The following CLN5 variants were observed in gnomAD, a reference collection of about 807,000 sequenced individuals.
CLN5 encodes bis(monoacylglycero)phosphate synthase CLN5.
A neutral mutation model predicts 36.7 loss-of-function variants in CLN5; 34 were observed. That is an observed-to-expected ratio of 0.93 (90% CI 0.71 to 1.23). The LOEUF is 1.23. Among genes scored for constraint, CLN5 ranks in the 50% most tolerant of loss-of-function variants. CLN5 has a pLI of 0.00. For missense variants in CLN5, 427 were observed against 439.4 expected (o/e 0.97, Z 0.25); for synonymous variants, 151 against 155.1 (o/e 0.97, Z 0.20).
chr13:76,995,628 T>G (rs1341037598), intron 2 of CLN5: 1 of 529,812 alleles, frequency 1.9e-6, no homozygotes, highest in Non-Finnish European at 3.4e-6. Flanking sequence ...CTCACACTTA[T>G]TCTAAGCTCT....
In CLN5 at chr13:77,000,848, A is replaced by G. The variant is rs1800209; in HGVS notation, c.956A>G (p.Lys319Arg). The stretch of plus-strand genomic sequence containing the variant: ...ATTTTTGATGCAGTGATTGTGCACA[A>G]ACAGTTCTATTTGTTTTATAATTTT... ...LQIFDAVIVH[K>R]QFYLFYNFEY... The change falls in exon 4 of 4, where the codon AAA (lysine) becomes AGA (arginine). Residue 319 changes from lysine (K) to arginine (R), a missense_variant. Lys to Arg is a conservative substitution (Grantham distance 26). Transcript: ENST00000377453. The G allele has an allele frequency of 0.1, 166,324 of 1,603,422 alleles. 14,419 individuals carry two copies. The highest frequency in any genetic ancestry group is 0.42 in the African/African-American group (31,316 of 74,216).
In CLN5 at chr13:77,001,002, A is replaced by G. The variant is rs9573974; in HGVS notation, c.*33A>G. 0.047 allele frequency: 74,484 copies of G among 1,578,468 alleles called. 2,889 individuals carry two copies. The highest frequency in any genetic ancestry group is 0.15 in the Admixed American group (8,949 of 59,356). Reference sequence around the variant, plus strand: ...TAATTCTACTGCTCTTTTTTCTCCAATCACCAGCATCTGTTTTTCAGGGGG... The same window carrying G: ...TAATTCTACTGCTCTTTTTTCTCCAGTCACCAGCATCTGTTTTTCAGGGGG... On this transcript the variant is annotated 3_prime_UTR_variant, in exon 4 of 4. Coordinates refer to ENST00000377453, the MANE Select transcript of CLN5 (RefSeq NM_006493.4).
chr13:76,996,515 A>G (rs1056727671), intron 3 of CLN5: 1 of 213,760 alleles, frequency 4.7e-6, no homozygotes, highest in African/African-American at 2.4e-5. Context: ...CTCATAGCTT[A>G]GCTCCCACTT....
rs761940027 is a variant in CLN5, at chr13:77,001,040, T to C, written c.*71T>C. ...GTTTTTCAGGGGGTGATTTTACTTT[T>C]GTGAATTCCTTAGCCTTTCTTCCTT... On this transcript the variant is annotated 3_prime_UTR_variant, in exon 4 of 4. Coordinates refer to ENST00000377453, the MANE Select transcript of CLN5 (RefSeq NM_006493.4). The C allele has an allele frequency of 2.3e-5, 31 of 1,370,132 alleles. No homozygotes were observed. Among genetic ancestry groups the C allele is most frequent in the Non-Finnish European group, 3.2e-5 (31 of 982,588 alleles). The allele number at this position is 1,370,132 out of a possible 1,614,324, so 84.9% of individuals were successfully genotyped here. A position where few individuals can be genotyped will look rare whatever the true frequency, so the allele number is the denominator to read the frequency against.
rs562901964 is a variant in CLN5, at chr13:77,000,117, T to C, written c.566-341T>C. 459 of 154,272 alleles carry C rather than the reference T, an allele frequency of 3.0e-3. 1 individual carries two copies. The highest frequency in any genetic ancestry group is 0.01 in the African/African-American group (417 of 41,474). The allele number at this position is 154,272 out of a possible 1,614,324, so 9.6% of individuals were successfully genotyped here. A position where few individuals can be genotyped will look rare whatever the true frequency, so the allele number is the denominator to read the frequency against. On this transcript the variant is annotated intron_variant, in intron 3 of 3. Transcript: ENST00000377453. Reference sequence around the variant, plus strand: ...GCTCAAACCTATAATCCCAGTGCTTTAGAATGCTGAAGCAGGAGGATCACT... The same window carrying C: ...GCTCAAACCTATAATCCCAGTGCTTCAGAATGCTGAAGCAGGAGGATCACT...
intron 1 of CLN5, chr13:76,994,604 T>C (rs1387627026): frequency 5.7e-6 from 1 of 175,568 alleles, no homozygotes; most frequent in South Asian, 1.4e-4. Flanking sequence ...ACTATATATG[T>C]AGTGGAGCCT....
Position 77,001,730 on chromosome 13 carries a change from T to C in CLN5, c.*761T>C, listed in dbSNP as rs1386441290. Reference sequence around the variant, plus strand: ...AAATGTCATCCTTGATCTTGCCTAATGTAGTTTATGTGCCAAACTTTCCAG... The same window carrying C: ...AAATGTCATCCTTGATCTTGCCTAACGTAGTTTATGTGCCAAACTTTCCAG... On this transcript the variant is annotated 3_prime_UTR_variant, in exon 4 of 4. Transcript: ENST00000377453. 6.6e-6 allele frequency: 1 copy of C among 152,272 alleles called. No homozygotes were observed. Among genetic ancestry groups the C allele is most frequent in the East Asian group, 1.9e-4 (1 of 5,206 alleles). The allele number at this position is 152,272 out of a possible 1,614,324, so 9.4% of individuals were successfully genotyped here. A position where few individuals can be genotyped will look rare whatever the true frequency, so the allele number is the denominator to read the frequency against.
chr13:77,003,974 A>T lies in CLN5; in HGVS notation c.*3005A>T, dbSNP rs1478054799. 6.6e-6 allele frequency: 1 copy of T among 152,248 alleles called. No individual in the cohort carries two copies. Among genetic ancestry groups the T allele is most frequent in the Non-Finnish European group, 1.5e-5 (1 of 68,048 alleles). The allele number at this position is 152,248 out of a possible 1,614,324, so 9.4% of individuals were successfully genotyped here. On this transcript the variant is annotated 3_prime_UTR_variant, in exon 4 of 4. Coordinates refer to ENST00000377453, the MANE Select transcript of CLN5 (RefSeq NM_006493.4). ...AAAATGTTGTAGATGTATAAAATTT[A>T]TACATTTTTAGTCTGACTAGGGCTT...
intron 1 of CLN5, chr13:76,992,696 G>A: frequency 4.7e-6 from 1 of 212,302 alleles, no homozygotes; most frequent in Non-Finnish European, 9.5e-6. Context: ...CGACCAACTC[G>A]CTCTGGTTTG....
rs990519434 is a variant in CLN5, at chr13:77,004,382, C to T, written c.*3413C>T. 3 of 152,188 alleles carry T rather than the reference C, an allele frequency of 2.0e-5. No individual in the cohort carries two copies. The highest frequency in any genetic ancestry group is 7.2e-5 in the African/African-American group (3 of 41,426). 9.4% of individuals were successfully genotyped at this position (152,188 alleles called of 1,614,324 possible). On this transcript the variant is annotated 3_prime_UTR_variant, in exon 4 of 4. Coordinates refer to ENST00000377453, the MANE Select transcript of CLN5 (RefSeq NM_006493.4). Reference sequence around the variant, plus strand: ...GTTTCCAGCATCTTCGTCATATTTACCCTTTATTATCCAAGTGGTTTCCTG... The same window carrying T: ...GTTTCCAGCATCTTCGTCATATTTATCCTTTATTATCCAAGTGGTTTCCTG...
rs1270861626 is a variant in CLN5, at chr13:76,992,167, C to G, written c.69C>G (p.Arg23=). The change falls in exon 1 of 4, where the codon CGC becomes CGG. Residue 23 remains arginine (R), a synonymous_variant. Coordinates refer to ENST00000377453, the MANE Select transcript of CLN5 (RefSeq NM_006493.4). ...MRRGAGAARG[R]ASWCWALALL... The stretch of plus-strand genomic sequence containing the variant: ...GGGGCGCGGGCGCGGCTCGGGGACG[C>G]GCTTCCTGGTGCTGGGCCCTGGCGC... The G allele has an allele frequency of 1.9e-6, 3 of 1,604,858 alleles. No individual in the cohort carries two copies. Among genetic ancestry groups the G allele is most frequent in the Admixed American group, 1.7e-5 (1 of 59,488 alleles).
chr13:76,995,867 A>G lies in CLN5; in HGVS notation c.340-35A>G. 5 of 1,543,068 alleles carry G rather than the reference A, an allele frequency of 3.2e-6. No homozygotes were observed. The South Asian group carries it at 5.6e-5, about 17-fold the overall frequency. ...GGTTACCTGGACCCATGGTTGTGTC[A>G]CAGTTGCTTTTATACATGTACTGTC... On this transcript the variant is annotated intron_variant, in intron 2 of 3. Coordinates refer to ENST00000377453, the MANE Select transcript of CLN5 (RefSeq NM_006493.4).
chr13:76,995,159 T>G lies in CLN5; in HGVS notation c.270T>G (p.Asp90Glu). Residue 90 changes from aspartate to glutamate, a missense_variant, in exon 2 of 4, where the codon GAT becomes GAG. Coordinates refer to ENST00000377453, the MANE Select transcript of CLN5 (RefSeq NM_006493.4). ...GSPIPVMEGD[D>E]DIEVFRLQAP... ...CTATCCCAGTTATGGAGGGTGATGA[T>G]GACATTGAAGTTTTTCGATTACAAG... 2 of 1,614,162 alleles carry G rather than the reference T, an allele frequency of 1.2e-6. No individual in the cohort carries two copies. Among genetic ancestry groups the G allele is most frequent in the Non-Finnish European group, 1.7e-6 (2 of 1,179,992 alleles).
chr13:76,992,298 G>C lies in CLN5; in HGVS notation c.173+27G>C, dbSNP rs769725211. 1.2e-5 allele frequency: 19 copies of C among 1,534,788 alleles called. No individual in the cohort carries two copies. The East Asian group carries it at 3.6e-4, about 29-fold the overall frequency. On this transcript the variant is annotated intron_variant, in intron 1 of 3. Coordinates refer to ENST00000377453, the MANE Select transcript of CLN5 (RefSeq NM_006493.4). Reference sequence around the variant, plus strand: ...TGAGTGCGGCGGCGCGCGCACTGTCGGGGTTGGGGTCGGCGTTGACGATGG... The same window carrying C: ...TGAGTGCGGCGGCGCGCGCACTGTCCGGGTTGGGGTCGGCGTTGACGATGG...
In CLN5 at chr13:77,000,662, C is replaced by G; in HGVS notation, c.770C>G (p.Thr257Arg). The change falls in exon 4 of 4, where the codon ACA becomes AGA. Residue 257 changes from threonine to arginine, a missense_variant. Physicochemically the swap from Thr to Arg is moderately conservative, Grantham distance 71. Transcript: ENST00000377453. ...TTCAAGAACATAGAAACCAACTATA[C>G]AAGAATATTTCTTTACAGTGGAGAA... ...AEFKNIETNY[T>R]RIFLYSGEPT... 6.2e-7 allele frequency: 1 copy of G among 1,613,956 alleles called. No individual in the cohort carries two copies. Among genetic ancestry groups the G allele is most frequent in the Non-Finnish European group, 8.5e-7 (1 of 1,179,876 alleles).
chr13:76,994,602 T>C (rs700358), intron 1 of CLN5: 39,432 of 173,526 alleles, frequency 0.23, 8,316 homozygotes, highest in African/African-American at 0.58. Context: ...TCACTATATA[T>C]GTAGTGGAGC....
chr13:76,997,107 T>G (rs1224473250), intron 3 of CLN5: 4 of 152,126 alleles, frequency 2.6e-5, no homozygotes, highest in Non-Finnish European at 4.4e-5. Context: ...GAGAATTGTC[T>G]ATTTGTGTCC....
rs1031492461 is a variant in CLN5 at position 76,995,997 on chromosome 13, A to G, written c.435A>G (p.Thr145=). Residue 145 remains threonine, a synonymous_variant, in exon 3 of 4, where the codon ACA becomes ACG. Coordinates refer to ENST00000377453, the MANE Select transcript of CLN5 (RefSeq NM_006493.4). ...WYELFQLGNC[T]FPHLRPEMDA... ...AACTTTTCCAACTTGGCAACTGTAC[A>G]TTTCCCCATCTCCGACCTGAAATGG... is the stretch of plus-strand genomic sequence containing the variant. 7 of 1,614,096 alleles carry G rather than the reference A, an allele frequency of 4.3e-6. No homozygotes were observed. Among genetic ancestry groups the G allele is most frequent in the Admixed American group, 1.7e-5 (1 of 60,002 alleles).
intron 3 of CLN5, 126 bp downstream of exon 3, chr13:76,996,253 G>A: frequency 3.6e-6 from 3 of 831,822 alleles, no homozygotes; most frequent in Non-Finnish European, 5.8e-6. Context: ...ATGTACTTTT[G>A]GAACCATTAA....
Sources: gnomAD v4.1 joint callset for allele counts on GRCh38, gnomAD v4.1.1 for gene constraint, MANE v1.5 for transcripts, NCBI Gene and HGNC (gene_info 2026-07-23, HGNC 2026-07-21) for gene names.